Variants in ASAP1 observed in about 807,000 individuals in gnomAD.
ASAP1 encodes the protein ArfGAP with SH3 domain, ankyrin repeat and PH domain 1.
Under a neutral mutation model 145.2 loss-of-function variants are expected in ASAP1, and 43 were observed. That is an observed-to-expected ratio of 0.30 (90% CI 0.23 to 0.38). ASAP1 has a LOEUF of 0.38. ASAP1 is among the 10% of genes least tolerant of loss of function. The probability of loss-of-function intolerance (pLI) is 1.00; values close to 1 mark genes in which losing one functional copy is unlikely to be tolerated. For synonymous variants in ASAP1, 546 were observed against 515.5 expected (o/e 1.06, Z -0.80); for missense variants, 1,018 against 1,355.3 (o/e 0.75, Z 3.91).
intron 5 of ASAP1, among the ~76,000 whole-genome samples, chr8:130,201,467 A>G (rs1195456409): frequency 6.6e-6 from 1 of 152,256 alleles, no homozygotes; most frequent in Non-Finnish European, 1.5e-5. Context: ...ACTTAAAATA[A>G]TGCAATTATA....
At chr8:130,327,197 T>C (rs912629514) in intron 3 of ASAP1, among the ~76,000 whole-genome samples, 1 of 152,200 alleles carries the variant, frequency 6.6e-6, no homozygotes, top group African/African-American at 2.4e-5. Flanking sequence ...GTCCTTGGAT[T>C]TGAGTGTTGT....
intron 5 of ASAP1, among the ~76,000 whole-genome samples, chr8:130,208,139 G>A (rs1377451088): frequency 6.6e-6 from 1 of 152,082 alleles, no homozygotes; most frequent in Non-Finnish European, 1.5e-5. Flanking sequence ...TAGTAGAGAG[G>A]TCCCTTGTAC....
chr8:130,257,115 T>G (rs2136934039), intron 3 of ASAP1, among the ~76,000 whole-genome samples: 1 of 152,222 alleles, frequency 6.6e-6, no homozygotes, highest in Middle Eastern at 3.4e-3. Context: ...TAAAGTCACA[T>G]ATTTAGAGGG....
intron 3 of ASAP1, among the ~76,000 whole-genome samples, chr8:130,324,714 A>G (rs538858517): frequency 2.0e-5 from 3 of 152,332 alleles, no homozygotes; most frequent in Admixed American, 2.0e-4. Context: ...AGGGCTGGGA[A>G]ATTTCAGTGG....
rs1419325500 is a variant in ASAP1, at chr8:130,052,729, GTTTTTGTTTTTTTTTTT to G, written c.*1985_*2001del. On this transcript the variant is annotated 3_prime_UTR_variant, in exon 30 of 30. Coordinates refer to ENST00000518721, the MANE Select transcript of ASAP1 (RefSeq NM_018482.4). ...CATGCAGCTTTTGTGTTTTTTTTTT[GTTTTTGTTTTTTTTTTT>G]TTTTTGAAAAAAACCAGTTTATTTT... 1 of 123,474 alleles carries G rather than the reference GTTTTTGTTTTTTTTTTT, an allele frequency of 8.1e-6. No individual in the cohort carries two copies. Among genetic ancestry groups the G allele is most frequent in the Non-Finnish European group, 1.8e-5 (1 of 54,616 alleles). The allele number at this position is 123,474 out of a possible 1,614,324, so 7.6% of individuals were successfully genotyped here. A position where few individuals can be genotyped will look rare whatever the true frequency, so the allele number is the denominator to read the frequency against.
rs1448184178 is a variant in ASAP1 at position 130,072,830 on chromosome 8, C to CGCGTGCGCGCACGCGCG, written c.2701+3517_2701+3518insCGCGCGTGCGCGCACGC. On this transcript the variant is annotated intron_variant, in intron 27 of 29. Transcript: ENST00000518721. ...GTGTGTGTGTGTGTGTGTGTGCGCG[C>CGCGTGCGCGCACGCGCG]GGGGGGGGGCAGTTTTGGGGACTGA... Among the ~76,000 whole-genome samples, 2 of 31,920 alleles carry CGCGTGCGCGCACGCGCG rather than the reference C, an allele frequency of 6.3e-5. 1 individual carries two copies. The highest frequency in any genetic ancestry group is 1.1e-4 in the Non-Finnish European group (2 of 18,974). 20.9% of individuals were successfully genotyped at this position (31,920 alleles called of 152,430 possible).
intron 5 of ASAP1, chr8:130,195,127 T>C (rs1229936790): frequency 6.6e-6 from 1 of 152,230 alleles, no homozygotes; most frequent in African/African-American, 2.4e-5. Flanking sequence ...TCCTTTCCTT[T>C]ATTCATTAAG....
At chr8:130,354,587 C>A (rs1011662212) in intron 3 of ASAP1, among the ~76,000 whole-genome samples, 1 of 152,204 alleles carries the variant, frequency 6.6e-6, no homozygotes, top group Non-Finnish European at 1.5e-5. Context: ...CTGCCTGCTC[C>A]CGTTTAGGGA....
chr8:130,279,658 A>G (rs536219720), intron 3 of ASAP1, among the ~76,000 whole-genome samples: 4 of 152,360 alleles, frequency 2.6e-5, no homozygotes, highest in African/African-American at 9.6e-5. Flanking sequence ...ACTTGACTAG[A>G]TAATTTCTAG....
At chr8:130,295,196 T>C (rs1822190168) in intron 3 of ASAP1, among the ~76,000 whole-genome samples, 1 of 152,078 alleles carries the variant, frequency 6.6e-6, no homozygotes, top group Non-Finnish European at 1.5e-5. Context: ...GAAAGGAGAA[T>C]CACTTGAGCT....
chr8:130,347,362 T>C (rs899992270), intron 3 of ASAP1, among the ~76,000 whole-genome samples: 1 of 152,196 alleles, frequency 6.6e-6, no homozygotes, highest in African/African-American at 2.4e-5. Context: ...AGGTGACACT[T>C]GCAGAGGGAA....
intron 4 of ASAP1, among the ~76,000 whole-genome samples, chr8:130,235,188 G>T (rs1240684170): frequency 6.6e-6 from 1 of 152,146 alleles, no homozygotes; most frequent in Non-Finnish European, 1.5e-5. Flanking sequence ...AAAGGGGTGT[G>T]TAGTAGTCTA....
chr8:130,265,099 T>G (rs1192252053), intron 3 of ASAP1, among the ~76,000 whole-genome samples: 1 of 152,176 alleles, frequency 6.6e-6, no homozygotes, highest in African/African-American at 2.4e-5. Flanking sequence ...AACAAAGGGC[T>G]GCTGGCAGCT....
chr8:130,385,676 G>A (rs549064428), intron 2 of ASAP1, among the ~76,000 whole-genome samples: 2 of 152,320 alleles, frequency 1.3e-5, no homozygotes, highest in African/African-American at 4.8e-5. Flanking sequence ...GGGAGAGTCA[G>A]GAGCTTCTCT....
chr8:130,304,908 G>C (rs188638160), intron 3 of ASAP1, among the ~76,000 whole-genome samples: 1 of 152,282 alleles, frequency 6.6e-6, no homozygotes, highest in East Asian at 1.9e-4. Flanking sequence ...CTATTATTTA[G>C]AGTAAAAGCC....
At chr8:130,230,927 G>A (rs1383152550) in intron 4 of ASAP1, among the ~76,000 whole-genome samples, 1 of 152,198 alleles carries the variant, frequency 6.6e-6, no homozygotes, top group East Asian at 1.9e-4. Flanking sequence ...TGACACCATG[G>A]TAAGACACCG....
At chr8:130,262,411 AAAAAAAGAGAGAGAGAGAGAG>A (rs1565148789) in intron 3 of ASAP1, among the ~76,000 whole-genome samples, 7 of 106,642 alleles carry the variant, frequency 6.6e-5, no homozygotes, top group African/African-American at 2.7e-4. Flanking sequence ...AAAAAAAAAA[AAAAAAAGAGAGAGAGAGAGAG>A]AGAGAGAGAG....
intron 3 of ASAP1, among the ~76,000 whole-genome samples, chr8:130,245,937 G>A (rs773102383): frequency 2.6e-5 from 4 of 151,924 alleles, no homozygotes; most frequent in Admixed American, 6.6e-5. Flanking sequence ...CTATCTAATC[G>A]CCCCGGGACT....
chr8:130,092,912 G>C (rs1311724282), intron 24 of ASAP1, among the ~76,000 whole-genome samples: 1 of 142,786 alleles, frequency 7.0e-6, no homozygotes, highest in African/African-American at 2.6e-5. Flanking sequence ...TTTTCTTCTA[G>C]TCAGCAAACT....
Sources: allele counts gnomAD v4.1 joint callset (sites outside exome capture counted in the v4.1 genomes callset), GRCh38; gene constraint gnomAD v4.1.1; transcripts MANE v1.5; gene names NCBI Gene and HGNC (gene_info 2026-07-23, HGNC 2026-07-21).